MYH15: variants seen among roughly 807,000 people sequenced by gnomAD.
MYH15 encodes myosin-15.
In MYH15, 227 loss-of-function variants were observed where a neutral mutation model predicts 240.5. The ratio of observed to expected loss-of-function variants is 0.94; its 90% CI spans 0.85 to 1.05. The LOEUF (loss-of-function observed/expected upper bound fraction) is 1.05, where lower values mean the gene tolerates loss of function less well. Among genes scored for constraint, MYH15 ranks in the 50% least tolerant of loss-of-function variants. MYH15 has a pLI of 0.00. For missense variants in MYH15, 2,217 were observed against 2,247.5 expected (o/e 0.99, Z 0.27); for synonymous variants, 785 against 796.7 (o/e 0.99, Z 0.25).
rs373674461 is a variant in MYH15, at chr3:108,411,673, T to A, written c.4146-741A>T. The stretch of plus-strand genomic sequence containing the variant: ...GATGAAATGTGTTCTGTTTCTTACA[T>A]CTCCTGCAGGGTTGCTGGCAGTCCC... On this transcript the variant is annotated intron_variant, in intron 30 of 40. Transcript: ENST00000693548. 1.1e-4 allele frequency among the ~76,000 whole-genome samples: 17 copies of A among 152,344 alleles called. No individual in the cohort carries two copies. The East Asian group carries it at 1.2e-3, about 10-fold the overall frequency.
intron 31 of MYH15, among the ~76,000 whole-genome samples, chr3:108,409,185 G>T (rs968081005): frequency 3.3e-5 from 5 of 152,158 alleles, no homozygotes; most frequent in Admixed American, 2.6e-4. Flanking sequence ...ATTTTTAGAA[G>T]TTACAAAGAC....
intron 32 of MYH15, among the ~76,000 whole-genome samples, chr3:108,405,984 ACACT>A (rs1343423495): frequency 6.6e-6 from 1 of 152,200 alleles, no homozygotes; most frequent in Non-Finnish European, 1.5e-5. Context: ...CTGACATGTA[ACACT>A]CAGTGTGAGC....
At chr3:108,548,308 A>G in the MYH15 span, among the ~76,000 whole-genome samples, 188 of 152,302 alleles carry the variant, frequency 1.2e-3, 2 homozygotes, top group Non-Finnish European at 1.2e-3. Flanking sequence ...TCAGGCCAAC[A>G]GAAAACATAA....
intron 33 of MYH15, among the ~76,000 whole-genome samples, chr3:108,401,541 ACACT>A (rs1285799207): frequency 6.6e-6 from 1 of 152,350 alleles, no homozygotes; most frequent in East Asian, 1.9e-4. Context: ...AGGGATGCTC[ACACT>A]CACATCACCA....
chr3:108,483,898 C>G (rs536311756), intron 11 of MYH15, among the ~76,000 whole-genome samples: 1 of 152,064 alleles, frequency 6.6e-6, no homozygotes, highest in Non-Finnish European at 1.5e-5. Context: ...GAAGGTAAAA[C>G]AGTGGTTACC....
At chr3:108,469,430 C>T (rs2083151702) in intron 14 of MYH15, among the ~76,000 whole-genome samples, 1 of 152,234 alleles carries the variant, frequency 6.6e-6, no homozygotes, top group South Asian at 2.1e-4. Flanking sequence ...AAACCTTGCT[C>T]ATCTTTCCCA....
intron 35 of MYH15, among the ~76,000 whole-genome samples, chr3:108,397,276 T>G (rs932310857): frequency 6.6e-6 from 1 of 152,162 alleles, no homozygotes; most frequent in Non-Finnish European, 1.5e-5. Flanking sequence ...CTTCTGGCTA[T>G]CCACCGAATA....
chr3:108,487,245 T>C (rs1237835150), intron 9 of MYH15, among the ~76,000 whole-genome samples: 2 of 152,222 alleles, frequency 1.3e-5, no homozygotes, highest in Non-Finnish European at 2.9e-5. Flanking sequence ...GTGAAGTTTT[T>C]TTGAGCTGAT....
intron 16 of MYH15, among the ~76,000 whole-genome samples, chr3:108,461,434 C>G (rs1032228976): frequency 1.3e-5 from 2 of 151,896 alleles, no homozygotes; most frequent in African/African-American, 2.4e-5. Flanking sequence ...TGTTCAGATC[C>G]GTCAGAAACT....
At chr3:108,428,926 A>G (rs2082752529) in intron 26 of MYH15, 45 bp from the exon 27 acceptor site, 1 of 1,524,974 alleles carries the variant, frequency 6.6e-7, no homozygotes, top group Non-Finnish European at 8.8e-7. Flanking sequence ...ACTTGTAGCA[A>G]GAGCTTTACT....
At chr3:108,525,820 T>G (rs1455000751) in intron 1 of MYH15, among the ~76,000 whole-genome samples, 1 of 152,082 alleles carries the variant, frequency 6.6e-6, no homozygotes, top group African/African-American at 2.4e-5. Context: ...CAAAATATAT[T>G]TCACTGATGT....
chr3:108,499,219 C>G (rs1482420913), intron 5 of MYH15, among the ~76,000 whole-genome samples: 1 of 152,192 alleles, frequency 6.6e-6, no homozygotes, highest in Non-Finnish European at 1.5e-5. Flanking sequence ...TGCACTATTT[C>G]TAAAGGATCT....
At chr3:108,513,431 G>T (rs996621108), upstream of MYH15, among the ~76,000 whole-genome samples, 1 of 152,178 alleles carries the variant, frequency 6.6e-6, no homozygotes, top group African/African-American at 2.4e-5. Flanking sequence ...CAGACGGGCT[G>T]CATGCACAAT....
At chr3:108,536,171 A>C in the MYH15 span, among the ~76,000 whole-genome samples, 18 of 152,332 alleles carry the variant, frequency 1.2e-4, no homozygotes, top group African/African-American at 4.3e-4. Flanking sequence ...AGGCTGAGGC[A>C]GAAGAATCAC....
intron 1 of MYH15, among the ~76,000 whole-genome samples, chr3:108,528,098 G>T (rs1178567013): frequency 6.6e-6 from 1 of 151,992 alleles, no homozygotes; most frequent in Non-Finnish European, 1.5e-5. Context: ...TGACCTAATC[G>T]CCTCTTAATA....
intron 2 of MYH15, among the ~76,000 whole-genome samples, chr3:108,504,854 C>T (rs1202077455): frequency 6.6e-6 from 1 of 152,208 alleles, no homozygotes; most frequent in Non-Finnish European, 1.5e-5. Context: ...CTACACATTT[C>T]TTCTGTGAAC....
At chr3:108,514,765 C>CCTCT (rs977543636), upstream of MYH15, among the ~76,000 whole-genome samples, 21 of 152,002 alleles carry the variant, frequency 1.4e-4, 1 homozygote, top group Non-Finnish European at 4.4e-5. Context: ...AAACTGTAGG[C>CCTCT]AGAGTTATGT....
At chr3:108,437,823 C>A in intron 24 of MYH15, 124 bp from the exon 25 acceptor site, 3 of 959,092 alleles carry the variant, frequency 3.1e-6, no homozygotes, top group East Asian at 2.6e-5. Flanking sequence ...TAAATGATGC[C>A]CAGTAACATA....
intron 40 of MYH15, 82 bp downstream of exon 40, chr3:108,383,513 T>G (rs1380180538): frequency 1.4e-5 from 20 of 1,429,134 alleles, no homozygotes; most frequent in South Asian, 4.6e-5. Context: ...AACAAATTTC[T>G]TGTTATACTG....
Sources: gnomAD v4.1 joint callset for allele counts (sites outside exome capture counted in the v4.1 genomes callset) on GRCh38, gnomAD v4.1.1 for gene constraint, MANE v1.5 for transcripts, NCBI Gene and HGNC (gene_info 2026-07-23, HGNC 2026-07-21) for gene names.